The following CNIH3 variants were observed in gnomAD, a reference collection of about 807,000 sequenced individuals.
CNIH3 encodes the protein cornichon family AMPA receptor auxiliary protein 3, also known as protein cornichon homolog 3.
A neutral mutation model predicts 24.1 loss-of-function variants in CNIH3; 14 were observed. That is an observed-to-expected ratio of 0.58 (90% CI 0.38 to 0.91). The LOEUF is 0.91. Ranked by LOEUF, CNIH3 falls within the 40% of genes least tolerant of loss-of-function variation. CNIH3 has a pLI of 0.00. For missense variants in CNIH3, 178 were observed against 196.8 expected (o/e 0.90, Z 0.57); for synonymous variants, 68 against 73.8 (o/e 0.92, Z 0.40).
chr1:224,643,742 G>C (rs1020305073), intron 1 of CNIH3, among the ~76,000 whole-genome samples: 5 of 152,240 alleles, frequency 3.3e-5, no homozygotes, highest in African/African-American at 1.2e-4. Flanking sequence ...AGTCCTTCTA[G>C]TATAGGCTTC....
intron 1 of CNIH3, among the ~76,000 whole-genome samples, chr1:224,465,921 G>T (rs1676136011): frequency 6.6e-6 from 1 of 152,160 alleles, no homozygotes; most frequent in Non-Finnish European, 1.5e-5. Context: ...TCAGCTACTC[G>T]GGAGGCTGAG....
At chr1:224,595,326 A>G (rs1048113816) in intron 3 of CNIH3, among the ~76,000 whole-genome samples, 1 of 152,172 alleles carries the variant, frequency 6.6e-6, no homozygotes, top group East Asian at 1.9e-4. Context: ...GATTACAGGT[A>G]TGAGCCACCA....
At chr1:224,514,397 C>T (rs887765653), upstream of CNIH3, among the ~76,000 whole-genome samples, 1 of 152,162 alleles carries the variant, frequency 6.6e-6, no homozygotes, top group African/African-American at 2.4e-5. Context: ...TTTTTGACAT[C>T]TAAATCTGCA....
chr1:224,665,192 A>G (rs1054842899), intron 1 of CNIH3, among the ~76,000 whole-genome samples: 1 of 152,152 alleles, frequency 6.6e-6, no homozygotes, highest in Admixed American at 6.5e-5. Context: ...CATGTGATGG[A>G]TAGACATGTG....
chr1:224,535,485 T>G (rs1202099133), intron 2 of CNIH3, among the ~76,000 whole-genome samples: 2 of 152,230 alleles, frequency 1.3e-5, no homozygotes, highest in African/African-American at 4.8e-5. Flanking sequence ...GACTGTCCCT[T>G]TCATCAAGGT....
chr1:224,516,630 G>A (rs1011153211), intron 1 of CNIH3, among the ~76,000 whole-genome samples: 3 of 152,242 alleles, frequency 2.0e-5, no homozygotes, highest in African/African-American at 7.2e-5. Flanking sequence ...GCTCCAGGCA[G>A]TGGTGCTGGC....
At chr1:224,481,843 T>C (rs1037005820) in intron 1 of CNIH3, among the ~76,000 whole-genome samples, 2 of 152,142 alleles carry the variant, frequency 1.3e-5, no homozygotes, top group Admixed American at 6.5e-5. Flanking sequence ...TTAAGAGCGG[T>C]GAGTTCCCTT....
At chr1:224,687,333 A>G (rs1366578990) in intron 3 of CNIH3, among the ~76,000 whole-genome samples, 1 of 152,176 alleles carries the variant, frequency 6.6e-6, no homozygotes, top group Non-Finnish European at 1.5e-5. Flanking sequence ...CTTGGGCTCA[A>G]GTGATTTTCC....
At chr1:224,450,287 A>G (rs1283634149) in intron 1 of CNIH3, among the ~76,000 whole-genome samples, 1 of 152,204 alleles carries the variant, frequency 6.6e-6, no homozygotes, top group Non-Finnish European at 1.5e-5. Flanking sequence ...GAAATGCATC[A>G]AAAAGAAAGA....
At chr1:224,734,821 C>A in intron 5 of CNIH3, 115 bp downstream of exon 5, 1 of 1,072,532 alleles carries the variant, frequency 9.3e-7, no homozygotes, top group Non-Finnish European at 1.4e-6. Context: ...GGAGTCATGG[C>A]CATTCAGGTG....
chr1:224,622,230 T>G (rs1683316201), intron 1 of CNIH3, among the ~76,000 whole-genome samples: 2 of 152,276 alleles, frequency 1.3e-5, no homozygotes, highest in South Asian at 4.1e-4. Flanking sequence ...TTGGACAATG[T>G]GCATTTTCCC....
intron 3 of CNIH3, among the ~76,000 whole-genome samples, chr1:224,594,756 G>A (rs1681908157): frequency 6.6e-6 from 1 of 152,180 alleles, no homozygotes; most frequent in South Asian, 2.1e-4. Context: ...GGAAGACTAA[G>A]GCAGAGGAAT....
intron 1 of CNIH3, chr1:224,434,964 C>G: frequency 2.0e-6 from 2 of 985,618 alleles, no homozygotes; most frequent in African/African-American, 1.7e-5. Context: ...CGCCCCGACC[C>G]CATCCACGAC....
intron 1 of CNIH3, among the ~76,000 whole-genome samples, chr1:224,643,776 G>A (rs1489183658): frequency 1.3e-5 from 2 of 152,222 alleles, no homozygotes; most frequent in Non-Finnish European, 2.9e-5. Flanking sequence ...GAAATCCCAG[G>A]TTCTACCCAG....
At chr1:224,603,268 G>C (rs1244596611) in intron 3 of CNIH3, among the ~76,000 whole-genome samples, 1 of 152,200 alleles carries the variant, frequency 6.6e-6, no homozygotes, top group Non-Finnish European at 1.5e-5. Flanking sequence ...ATCTGCTTAG[G>C]AACAAGGAAA....
chr1:224,659,111 T>C (rs1187630921), intron 1 of CNIH3, among the ~76,000 whole-genome samples: 1 of 152,238 alleles, frequency 6.6e-6, no homozygotes, highest in East Asian at 1.9e-4. Flanking sequence ...TCTTCTGCTA[T>C]AGTCCCTGGG....
At chr1:224,620,405 A>T (rs1029284481) in intron 1 of CNIH3, among the ~76,000 whole-genome samples, 1 of 152,196 alleles carries the variant, frequency 6.6e-6, no homozygotes, top group Non-Finnish European at 1.5e-5. Context: ...CTCTAACTGT[A>T]GTCACTATTT....
At chr1:224,436,884 C>A (rs1039126262) in intron 1 of CNIH3, 2 of 152,248 alleles carry the variant, frequency 1.3e-5, no homozygotes, top group African/African-American at 4.8e-5. Context: ...AGGGACCTGT[C>A]TACTGTCCGC....
At chr1:224,692,754 G>C (rs1034994061) in intron 3 of CNIH3, among the ~76,000 whole-genome samples, 3 of 152,212 alleles carry the variant, frequency 2.0e-5, no homozygotes, top group Non-Finnish European at 4.4e-5. Context: ...TTAAGTGATA[G>C]AGCTGGGATT....
Sources: allele counts gnomAD v4.1 joint callset (sites outside exome capture counted in the v4.1 genomes callset), GRCh38; gene constraint gnomAD v4.1.1; transcripts MANE v1.5; gene names NCBI Gene and HGNC (gene_info 2026-07-23, HGNC 2026-07-21).